JRK: variants seen among roughly 807,000 people sequenced by gnomAD.
The protein encoded by JRK is jerky protein homolog.
For synonymous variants in JRK, 303 were observed against 218.1 expected (o/e 1.39, Z -3.43); for missense variants, 720 against 509.2 (o/e 1.41, Z -3.98).
Position 142,661,718 on chromosome 8 carries a change from T to C in JRK, c.*2634A>G. On this transcript the variant is annotated 3_prime_UTR_variant, in exon 2 of 2. Coordinates refer to ENST00000612905, the MANE Select transcript of JRK (RefSeq NM_003724.4). ...GGCCTCAGCAGCCCCAGAAACAGAG[T>C]GAAGAGACACAGCCTCACAGAGCTG... 1.0e-6 allele frequency: 1 copy of C among 984,918 alleles called. No homozygotes were observed. 61.0% of individuals were successfully genotyped at this position (984,918 alleles called of 1,614,324 possible).
chr8:142,653,903 G>T (rs1403004092), downstream of JRK, among the ~76,000 whole-genome samples: 1 of 152,142 alleles, frequency 6.6e-6, no homozygotes, highest in Non-Finnish European at 1.5e-5. Context: ...TAAGTAATAA[G>T]AAAACTCCAC....
At position 142,666,200 on chromosome 8, in the gene JRK, A is replaced by G. The variant is rs1847124259; in HGVS notation, c.-142T>C. 5 of 1,445,830 alleles carry G rather than the reference A, an allele frequency of 3.5e-6. No individual in the cohort carries two copies. In the East Asian group the frequency reaches 1.2e-4, roughly 36 times the overall value. 89.6% of individuals were successfully genotyped at this position (1,445,830 alleles called of 1,614,324 possible). A position where few individuals can be genotyped will look rare whatever the true frequency, so the allele number is the denominator to read the frequency against. On this transcript the variant is annotated 5_prime_UTR_variant, in exon 2 of 2. Transcript: ENST00000612905. ...CCTGCCTGCTCTGCTGATCCTGAGC[A>G]CAGGCCCCAGTCCCTCTCGGGTTTC... is the stretch of plus-strand genomic sequence containing the variant.
At chr8:142,652,794 T>A (rs1284916354), downstream of JRK, among the ~76,000 whole-genome samples, 3 of 152,234 alleles carry the variant, frequency 2.0e-5, no homozygotes, top group African/African-American at 7.2e-5. Flanking sequence ...AGAGGTGACC[T>A]ATAGCTGGAG....
intron 1 of JRK, among the ~76,000 whole-genome samples, chr8:142,669,177 T>C (rs1329958362): frequency 8.9e-6 from 1 of 112,628 alleles, no homozygotes; most frequent in South Asian, 3.1e-4. Flanking sequence ...TGTGTGTGTG[T>C]GTGTGTGTGT....
At position 142,660,077 on chromosome 8, in the gene JRK, G is replaced by A. The variant is rs587628086; in HGVS notation, c.*4275C>T. ...CCATGGCTGCAGCTCCTGGCCCTGC[G>A]GACAGCCAGGCCTGGGGTCTACAAG... On this transcript the variant is annotated 3_prime_UTR_variant, in exon 2 of 2. Transcript: ENST00000612905. The A allele has an allele frequency of 5.9e-5, 58 of 985,806 alleles. No homozygotes were observed. Among genetic ancestry groups the A allele is most frequent in the East Asian group, 4.5e-4 (4 of 8,824 alleles). 61.1% of individuals were successfully genotyped at this position (985,806 alleles called of 1,614,324 possible). A position where few individuals can be genotyped will look rare whatever the true frequency, so the allele number is the denominator to read the frequency against.
rs587769969 is a variant in JRK at position 142,664,533 on chromosome 8, G to A, written c.1526C>T (p.Ala509Val). 43 of 1,608,204 alleles carry A rather than the reference G, an allele frequency of 2.7e-5. No homozygotes were observed. Among genetic ancestry groups the A allele is most frequent in the East Asian group, 2.2e-4 (10 of 44,656 alleles). The change falls in exon 2 of 2, where the codon GCG (alanine) becomes GTG (valine). Residue 509 changes from alanine (A) to valine (V), a missense_variant. Coordinates refer to ENST00000612905, the MANE Select transcript of JRK (RefSeq NM_003724.4). ...CGCCCGCAGCTGCCCCACTTCCTGC[G>A]CACTGAAGCATGGCTGCCGCTCCGC... ...RFAERQPCFS[A>V]QEVGQLRALR...
Position 142,657,662 on chromosome 8 carries a change from A to G in JRK, c.*6690T>C, listed in dbSNP as rs1366524513. ...GCTCTTTTTAACAAACAGTTCTCAC[A>G]GAAACTAATCAAGTGAGAACTCACT... On this transcript the variant is annotated 3_prime_UTR_variant, in exon 2 of 2. Coordinates refer to ENST00000612905, the MANE Select transcript of JRK (RefSeq NM_003724.4). The G allele has an allele frequency of 6.6e-6, 1 of 152,262 alleles. No individual in the cohort carries two copies. The highest frequency in any genetic ancestry group is 2.4e-5 in the African/African-American group (1 of 41,444). The allele number at this position is 152,262 out of a possible 1,614,324, so 9.4% of individuals were successfully genotyped here. A position where few individuals can be genotyped will look rare whatever the true frequency, so the allele number is the denominator to read the frequency against.
chr8:142,649,531 C>T, the JRK span, among the ~76,000 whole-genome samples: 1 of 152,194 alleles, frequency 6.6e-6, no homozygotes, highest in African/African-American at 2.4e-5. Flanking sequence ...GTTCCATTCC[C>T]CCATGATTGT....
chr8:142,667,432 GAC>G (rs59385009), intron 1 of JRK, among the ~76,000 whole-genome samples: 8,146 of 146,844 alleles, frequency 0.055, 292 homozygotes, highest in African/African-American at 0.11. Flanking sequence ...CGGACACGGA[GAC>G]ACACACACAC....
chr8:142,658,567 C>A lies in JRK; in HGVS notation c.*5785G>T. Reference sequence around the variant, plus strand: ...GCTCACACAGCACAAAGTGACCTCGCTCTAGTTCCTTCCTTTTCTTATAAG... The same window carrying A: ...GCTCACACAGCACAAAGTGACCTCGATCTAGTTCCTTCCTTTTCTTATAAG... On this transcript the variant is annotated 3_prime_UTR_variant, in exon 2 of 2. Transcript: ENST00000612905. 3.6e-6 allele frequency: 1 copy of A among 279,990 alleles called. No individual in the cohort carries two copies. The highest frequency in any genetic ancestry group is 5.0e-5 in the South Asian group (1 of 19,884). The allele number at this position is 279,990 out of a possible 1,614,324, so 17.3% of individuals were successfully genotyped here.
chr8:142,661,164 C>T lies in JRK; in HGVS notation c.*3188G>A, dbSNP rs1359516353. The T allele has an allele frequency of 4.6e-5, 45 of 985,378 alleles. No individual in the cohort carries two copies. The highest frequency in any genetic ancestry group is 5.4e-5 in the Non-Finnish European group (45 of 829,976). 61.0% of individuals were successfully genotyped at this position (985,378 alleles called of 1,614,324 possible). A position where few individuals can be genotyped will look rare whatever the true frequency, so the allele number is the denominator to read the frequency against. On this transcript the variant is annotated 3_prime_UTR_variant, in exon 2 of 2. Coordinates refer to ENST00000612905, the MANE Select transcript of JRK (RefSeq NM_003724.4). ...GGCCCAGGGCAAGGTCTGCTCTAGA[C>T]CCTCCTATGCAGGAGACAGACAACT...
rs1554634077 is a variant in JRK at position 142,658,778 on chromosome 8, C to T, written c.*5574G>A. ...GAGATGGAGGCCACAGACCTACCAA[C>T]ACCCATAACCTCAAGGGCACTGGTG... On this transcript the variant is annotated 3_prime_UTR_variant, in exon 2 of 2. Coordinates refer to ENST00000612905, the MANE Select transcript of JRK (RefSeq NM_003724.4). 1.3e-6 allele frequency: 2 copies of T among 1,548,776 alleles called. No individual in the cohort carries two copies. Among genetic ancestry groups the T allele is most frequent in the African/African-American group, 2.7e-5 (2 of 73,282 alleles).
chr8:142,654,928 G>A (rs587613332), downstream of JRK, among the ~76,000 whole-genome samples: 15 of 152,076 alleles, frequency 9.9e-5, no homozygotes, highest in East Asian at 5.8e-4. Context: ...GGTCAGCTGC[G>A]GAAGCTCCTT....
At chr8:142,644,759 AAAC>A in the JRK span, among the ~76,000 whole-genome samples, 1 of 152,222 alleles carries the variant, frequency 6.6e-6, no homozygotes, top group Non-Finnish European at 1.5e-5. Flanking sequence ...ACCCTAATAA[AAAC>A]AACAGGAAGC....
At chr8:142,666,641 A>C in intron 1 of JRK, 121 bp from the exon 2 acceptor site, 1 of 181,752 alleles carries the variant, frequency 5.5e-6, no homozygotes, top group Non-Finnish European at 1.2e-5. Flanking sequence ...GAGAGGACCC[A>C]TGCAAGTGCT....
chr8:142,651,395 GAA>G, the JRK span, among the ~76,000 whole-genome samples: 6 of 135,984 alleles, frequency 4.4e-5, no homozygotes, highest in Non-Finnish European at 3.2e-5. Context: ...TGTCATGCTG[GAA>G]AAAAAAAAAA....
chr8:142,649,745 TTGC>T, the JRK span, among the ~76,000 whole-genome samples: 2 of 151,414 alleles, frequency 1.3e-5, no homozygotes, highest in South Asian at 4.1e-4. Flanking sequence ...AGGAAGAAGT[TTGC>T]TGCAGGGGCA....
chr8:142,650,395 C>T, the JRK span, among the ~76,000 whole-genome samples: 6 of 152,148 alleles, frequency 3.9e-5, no homozygotes, highest in South Asian at 2.1e-4. Context: ...TGGGAGGGGC[C>T]GGGGGTGGAA....
At chr8:142,669,787 G>T (rs1351559931) in intron 1 of JRK, 145 bp downstream of exon 1, 2 of 149,308 alleles carry the variant, frequency 1.3e-5, no homozygotes, top group South Asian at 3.6e-4. Flanking sequence ...GCAGCCTCGC[G>T]ACCAACCCCG....
Sources: allele counts gnomAD v4.1 joint callset (sites outside exome capture counted in the v4.1 genomes callset), GRCh38; gene constraint gnomAD v4.1.1; transcripts MANE v1.5; gene names NCBI Gene and HGNC (gene_info 2026-07-23, HGNC 2026-07-21).